LPIN1: variants seen among roughly 807,000 people sequenced by gnomAD.
LPIN1 encodes the protein lipin 1, also known as phosphatidate phosphatase LPIN1.
A neutral mutation model predicts 107.5 loss-of-function variants in LPIN1; 71 were observed. The ratio of observed to expected loss-of-function variants is 0.66; its 90% confidence interval spans 0.55 to 0.80. The LOEUF (loss-of-function observed/expected upper bound fraction) is 0.80, where lower values mean the gene tolerates loss of function less well. Ranked by LOEUF, LPIN1 falls within the 30% of genes least tolerant of loss-of-function variation. The pLI, the probability that LPIN1 is intolerant of heterozygous loss-of-function variation, is 0.00. For missense variants in LPIN1, 1,043 were observed against 1,160.6 expected, an observed-to-expected ratio of 0.90 and a Z score of 1.47; for synonymous variants, 445 against 452.6, an observed-to-expected ratio of 0.98 and a Z score of 0.21.
At chr2:11,727,043 G>C (rs1479417966) in intron 1 of LPIN1, among the ~76,000 whole-genome samples, 1 of 152,232 alleles carries the variant, frequency 6.6e-6, no homozygotes, top group African/African-American at 2.4e-5. Flanking sequence ...CTTGATTAAA[G>C]GGGTGTCTCC....
chr2:11,679,807 G>A (rs530997309), intron 1 of LPIN1, among the ~76,000 whole-genome samples: 1 of 152,366 alleles, frequency 6.6e-6, no homozygotes, highest in Admixed American at 6.5e-5. Flanking sequence ...ATGGGGGCCG[G>A]GGGAGTCTGG....
At position 11,774,182 on chromosome 2, in the gene LPIN1, T is replaced by G. The variant is rs545743868; in HGVS notation, c.722+437T>G. 1.2e-4 allele frequency among the ~76,000 whole-genome samples: 18 copies of G among 152,318 alleles called. No homozygotes were observed. Among genetic ancestry groups the G allele is most frequent in the African/African-American group, 4.3e-4 (18 of 41,576 alleles). ...TTCTGCCGAATTCAAGAATATTTAT[T>G]TCCCTGAAATGAACTCACAAGTTGC... On this transcript the variant is annotated intron_variant, in intron 5 of 20. Transcript: ENST00000674199. This position sits in a 1 kb window ranked among gnomAD's most constrained non-coding sequence, Gnocchi z 4.4.
At chr2:11,698,986 C>T (rs1301890831) in intron 1 of LPIN1, among the ~76,000 whole-genome samples, 3 of 152,200 alleles carry the variant, frequency 2.0e-5, no homozygotes, top group African/African-American at 7.2e-5. Context: ...CCGTATGCAG[C>T]CAGGGATAGC....
intron 17 of LPIN1, among the ~76,000 whole-genome samples, chr2:11,805,807 G>A (rs533714798): frequency 6.6e-6 from 1 of 152,304 alleles, no homozygotes; most frequent in Non-Finnish European, 1.5e-5. Context: ...AATTAACTAG[G>A]AGAACTAAAG....
chr2:11,787,117 C>G lies in LPIN1; in HGVS notation c.1593C>G (p.Asp531Glu). ...EQAVSYQQFV[D>E]NPAIIDDPNL... ...CTGTGTCATATCAACAGTTTGTGGA[C>G]AACCCCGCTATTATCGATGACCCCA... Residue 531 changes from aspartate to glutamate, a missense_variant, in exon 11 of 21, where the codon GAC becomes GAG. By Grantham distance (45) the Asp-to-Glu change is conservative (BLOSUM62 2). Transcript: ENST00000674199. The G allele has an allele frequency of 6.2e-7, 1 of 1,614,128 alleles. No homozygotes were observed. Among genetic ancestry groups the G allele is most frequent in the Non-Finnish European group, 8.5e-7 (1 of 1,179,988 alleles).
chr2:11,814,186 ACT>A (rs892278739), intron 17 of LPIN1, among the ~76,000 whole-genome samples: 3 of 152,018 alleles, frequency 2.0e-5, no homozygotes, highest in African/African-American at 4.8e-5. Context: ...ACACCCGGAC[ACT>A]CTGGAGTCCT....
chr2:11,806,250 C>T (rs1678662249), intron 17 of LPIN1, among the ~76,000 whole-genome samples: 1 of 152,218 alleles, frequency 6.6e-6, no homozygotes, highest in African/African-American at 2.4e-5. Flanking sequence ...ACTCTGTGAA[C>T]ACAGATGAAT....
intron 1 of LPIN1, among the ~76,000 whole-genome samples, chr2:11,732,777 C>T (rs1665367545): frequency 6.6e-6 from 1 of 152,170 alleles, no homozygotes; most frequent in African/African-American, 2.4e-5. Context: ...TAGATACTCC[C>T]TAGTTTAAAA....
Position 11,782,252 on chromosome 2 carries a change from A to T in LPIN1, c.1009A>T (p.Ile337Phe). ...KESSPLSSRK[I>F]CDKSHFQAIH... Reference sequence around the variant, plus strand: ...GTCCAGCCCATTGAGCAGTAGAAAAATTTGTGATAAAAGTCACTTTCAGGC... The same window carrying T: ...GTCCAGCCCATTGAGCAGTAGAAAATTTTGTGATAAAAGTCACTTTCAGGC... Residue 337 changes from isoleucine (I) to phenylalanine (F), a missense_variant, in exon 8 of 21, where the codon ATT becomes TTT. Transcript: ENST00000674199. 1 of 1,614,140 alleles carries T rather than the reference A, an allele frequency of 6.2e-7. No homozygotes were observed. Among genetic ancestry groups the T allele is most frequent in the African/African-American group, 1.3e-5 (1 of 75,036 alleles).
chr2:11,720,581 G>C (rs1400289911), upstream of LPIN1, among the ~76,000 whole-genome samples: 2 of 152,118 alleles, frequency 1.3e-5, no homozygotes, highest in African/African-American at 4.8e-5. Flanking sequence ...TGAAGAAGGG[G>C]GAAGATCCAT....
intron 1 of LPIN1, among the ~76,000 whole-genome samples, chr2:11,759,976 G>T (rs1325429741): frequency 1.6e-4 from 24 of 145,804 alleles, no homozygotes; most frequent in Admixed American, 4.8e-4. Context: ...GGTGGCTGCC[G>T]GGCGGAGGGG....
At chr2:11,679,680 G>T (rs1286586738) in intron 1 of LPIN1, among the ~76,000 whole-genome samples, 1 of 152,200 alleles carries the variant, frequency 6.6e-6, no homozygotes, top group Non-Finnish European at 1.5e-5. Context: ...CCCTCAGCAG[G>T]CCCCTTGGCT....
At chr2:11,754,392 G>A (rs1668347934) in intron 1 of LPIN1, among the ~76,000 whole-genome samples, 2 of 152,204 alleles carry the variant, frequency 1.3e-5, no homozygotes, top group South Asian at 4.1e-4. Flanking sequence ...TCCAGGAAAT[G>A]ATGAATCACT....
intron 15 of LPIN1, 144 bp from the exon 16 acceptor site, chr2:11,804,278 TG>T: frequency 1.2e-6 from 1 of 854,574 alleles, no homozygotes; most frequent in Non-Finnish European, 1.9e-6. Context: ...CAAGGAAGGG[TG>T]GGGAAAGAAA....
chr2:11,710,989 C>T (rs1663377995), intron 1 of LPIN1, among the ~76,000 whole-genome samples: 1 of 152,166 alleles, frequency 6.6e-6, no homozygotes, highest in Non-Finnish European at 1.5e-5. Flanking sequence ...AAACCAGACT[C>T]TTGGGGGTCA....
intron 1 of LPIN1, among the ~76,000 whole-genome samples, chr2:11,693,794 A>ATATATATATAT (rs1553398370): frequency 2.2e-4 from 5 of 23,176 alleles, no homozygotes; most frequent in African/African-American, 2.9e-4. Context: ...GTGTGTATAT[A>ATATATATATAT]TATATATATA....
chr2:11,677,892 C>T (rs775011927), intron 1 of LPIN1, among the ~76,000 whole-genome samples: 4 of 152,268 alleles, frequency 2.6e-5, no homozygotes, highest in Admixed American at 6.5e-5. Flanking sequence ...TGACCGGCCC[C>T]GCTTGCTCCT....
intron 1 of LPIN1, among the ~76,000 whole-genome samples, chr2:11,690,822 T>A (rs904019063): frequency 4.6e-5 from 7 of 152,198 alleles, no homozygotes; most frequent in Non-Finnish European, 8.8e-5. Flanking sequence ...TTTATTTCAT[T>A]GTTTAATTTT....
chr2:11,757,802 T>TAA (rs1345030497), intron 1 of LPIN1, among the ~76,000 whole-genome samples: 2 of 136,860 alleles, frequency 1.5e-5, no homozygotes, highest in Non-Finnish European at 3.2e-5. Flanking sequence ...CCCCAATTCT[T>TAA]AAAAAAAAAA....
Sources: allele counts gnomAD v4.1 joint callset (sites outside exome capture counted in the v4.1 genomes callset), GRCh38; gene constraint gnomAD v4.1.1; non-coding constraint Gnocchi (gnomAD v3.1); transcripts MANE v1.5; gene names NCBI Gene and HGNC (gene_info 2026-07-23, HGNC 2026-07-21).